STRBP: variants seen among roughly 807,000 people sequenced by gnomAD.
STRBP encodes the protein spermatid perinuclear RNA-binding protein.
STRBP carries 13 observed loss-of-function variants against 80.1 expected under a neutral mutation model. The ratio of observed to expected loss-of-function variants is 0.16; its 90% CI spans 0.11 to 0.26. STRBP has a LOEUF of 0.26. Ranked by LOEUF, STRBP falls within the 10% of genes least tolerant of loss-of-function variation. STRBP has a pLI of 1.00. For synonymous variants in STRBP, 284 were observed against 291.2 expected, an observed-to-expected ratio of 0.98 and a Z score of 0.25; for missense variants, 485 against 815.2, an observed-to-expected ratio of 0.59 and a Z score of 4.93.
Position 123,121,948 on chromosome 9 carries a change from TACACACAC to T in STRBP, c.*3641_*3648del, listed in dbSNP as rs55960341. The T allele has an allele frequency of 0.024, 3,762 of 154,516 alleles. 63 individuals carry two copies. Among genetic ancestry groups the T allele is most frequent in the Non-Finnish European group, 0.033 (2,276 of 69,900 alleles). 9.6% of individuals were successfully genotyped at this position (154,516 alleles called of 1,614,324 possible). ...ACATACGTGTTATATCCTAAGTTTC[TACACACAC>T]ACACACACACACACACACTTAGTGT... On this transcript the variant is annotated 3_prime_UTR_variant, in exon 19 of 19. Coordinates refer to ENST00000348403, the MANE Select transcript of STRBP (RefSeq NM_018387.5).
chr9:123,252,028 ATT>A (rs71390423), intron 1 of STRBP, among the ~76,000 whole-genome samples: 4 of 144,636 alleles, frequency 2.8e-5, no homozygotes, highest in Admixed American at 1.4e-4. Context: ...AGCACCATCT[ATT>A]TTTTTTTTTT....
chr9:123,168,545 C>G (rs147074811), intron 6 of STRBP, among the ~76,000 whole-genome samples: 47 of 152,286 alleles, frequency 3.1e-4, no homozygotes, highest in African/African-American at 1.1e-3. Context: ...TTACTGGTAC[C>G]TTTTTCTCTA....
intron 2 of STRBP, among the ~76,000 whole-genome samples, chr9:123,215,480 T>A (rs542334474): frequency 2.6e-3 from 389 of 152,302 alleles, no homozygotes; most frequent in Non-Finnish European, 3.4e-3. Flanking sequence ...TTAACAAATA[T>A]TTATTGTATA....
intron 11 of STRBP, among the ~76,000 whole-genome samples, chr9:123,148,896 T>C (rs1329250378): frequency 1.3e-5 from 2 of 152,192 alleles, no homozygotes; most frequent in Non-Finnish European, 2.9e-5. Context: ...TAATGGGCAC[T>C]GAGCAAAAAC....
intron 2 of STRBP, among the ~76,000 whole-genome samples, chr9:123,230,651 T>C (rs1408118483): frequency 6.6e-6 from 1 of 152,200 alleles, no homozygotes; most frequent in Admixed American, 6.5e-5. Flanking sequence ...CTTTCATATT[T>C]ATTTTTCAAA....
In STRBP at chr9:123,115,925, A is replaced by AT. The variant is rs1274350377; in HGVS notation, c.*84+3dup. 4.6e-6 allele frequency: 2 copies of AT among 434,786 alleles called. No homozygotes were observed. Among genetic ancestry groups the AT allele is most frequent in the East Asian group, 1.4e-4 (2 of 14,216 alleles). The allele number at this position is 434,786 out of a possible 1,614,324, so 26.9% of individuals were successfully genotyped here. A position where few individuals can be genotyped will look rare whatever the true frequency, so the allele number is the denominator to read the frequency against. ...AACAAATAAATATAATCCCTTAAAAATACCTGGCAGGAGTGCCCACGTTCT... is the reference window on the plus strand; with the variant it reads ...AACAAATAAATATAATCCCTTAAAAATTACCTGGCAGGAGTGCCCACGTTCT... On this transcript the variant is annotated splice_donor_region_variant and intron_variant and NMD_transcript_variant, in intron 3 of 3. Coordinates refer to the STRBP transcript ENST00000471564. This position sits in a 1 kb window ranked among gnomAD's most constrained non-coding sequence, Gnocchi z 5.0.
chr9:123,200,850 G>T (rs2039300144), intron 2 of STRBP, among the ~76,000 whole-genome samples: 1 of 140,690 alleles, frequency 7.1e-6, no homozygotes, highest in African/African-American at 2.6e-5. Flanking sequence ...CAACATGCTG[G>T]GATTACAGGC....
chr9:123,195,523 C>CA (rs1381727134), intron 2 of STRBP, among the ~76,000 whole-genome samples: 2 of 152,056 alleles, frequency 1.3e-5, no homozygotes, highest in Non-Finnish European at 2.9e-5. Context: ...AATCAACATA[C>CA]AAAAATCAGT....
chr9:123,165,677 AG>A (rs1190479762), intron 6 of STRBP, among the ~76,000 whole-genome samples: 1 of 152,240 alleles, frequency 6.6e-6, no homozygotes, highest in Non-Finnish European at 1.5e-5. Flanking sequence ...AAAGAAATTG[AG>A]ACTCTGTGTG....
chr9:123,153,034 T>G (rs1450215373), intron 11 of STRBP, among the ~76,000 whole-genome samples: 3 of 151,984 alleles, frequency 2.0e-5, no homozygotes, highest in African/African-American at 7.3e-5. Flanking sequence ...AGGGGTGGTG[T>G]TCTCCATAAA....
At chr9:123,188,857 T>C (rs2038806194) in intron 2 of STRBP, among the ~76,000 whole-genome samples, 1 of 152,212 alleles carries the variant, frequency 6.6e-6, no homozygotes, top group South Asian at 2.1e-4. Context: ...AAACCTTCAA[T>C]TTTGTTAATA....
At chr9:123,160,876 C>T in intron 7 of STRBP, 101 bp downstream of exon 7, 1 of 900,748 alleles carries the variant, frequency 1.1e-6, no homozygotes, top group Non-Finnish European at 1.7e-6. Context: ...TAGAAAGCAC[C>T]CCTCATTTTA....
chr9:123,243,294 A>T (rs952898173), intron 1 of STRBP, among the ~76,000 whole-genome samples: 1 of 150,684 alleles, frequency 6.6e-6, no homozygotes, highest in Non-Finnish European at 1.5e-5. Flanking sequence ...AGAAAAATAG[A>T]GCTTTCATCT....
intron 2 of STRBP, among the ~76,000 whole-genome samples, chr9:123,214,942 A>G (rs1185687174): frequency 6.6e-6 from 1 of 152,072 alleles, no homozygotes; most frequent in African/African-American, 2.4e-5. Flanking sequence ...TGGTGTCCAC[A>G]TTTTTGCTCC....
At chr9:123,250,670 T>C (rs1367448166) in intron 1 of STRBP, among the ~76,000 whole-genome samples, 1 of 152,234 alleles carries the variant, frequency 6.6e-6, no homozygotes. Flanking sequence ...CAGTGGTCAC[T>C]TAAGCTCTTG....
At chr9:123,214,761 A>C (rs2039836897) in intron 2 of STRBP, among the ~76,000 whole-genome samples, 1 of 152,196 alleles carries the variant, frequency 6.6e-6, no homozygotes. Flanking sequence ...TACTATATTC[A>C]TACAGATATG....
chr9:123,123,857 T>C lies in STRBP; in HGVS notation c.*1740A>G. 2.0e-6 allele frequency: 2 copies of C among 985,396 alleles called. No individual in the cohort carries two copies. The highest frequency in any genetic ancestry group is 3.5e-5 in the African/African-American group (2 of 57,358). 61.0% of individuals were successfully genotyped at this position (985,396 alleles called of 1,614,324 possible). A position where few individuals can be genotyped will look rare whatever the true frequency, so the allele number is the denominator to read the frequency against. ...CTCAGTGATGGCTCTGTTTCATCCATAGGTCAGCAAAACGCATCAATGAAA... is the reference window on the plus strand; with the variant it reads ...CTCAGTGATGGCTCTGTTTCATCCACAGGTCAGCAAAACGCATCAATGAAA... On this transcript the variant is annotated 3_prime_UTR_variant, in exon 19 of 19. Coordinates refer to ENST00000348403, the MANE Select transcript of STRBP (RefSeq NM_018387.5).
chr9:123,122,592 A>G lies in STRBP; in HGVS notation c.*3005T>C. 2 of 1,097,904 alleles carry G rather than the reference A, an allele frequency of 1.8e-6. No individual in the cohort carries two copies. The highest frequency in any genetic ancestry group is 2.2e-6 in the Non-Finnish European group (2 of 897,130). The allele number at this position is 1,097,904 out of a possible 1,614,324, so 68.0% of individuals were successfully genotyped here. A position where few individuals can be genotyped will look rare whatever the true frequency, so the allele number is the denominator to read the frequency against. On this transcript the variant is annotated 3_prime_UTR_variant, in exon 19 of 19. Coordinates refer to ENST00000348403, the MANE Select transcript of STRBP (RefSeq NM_018387.5). ...CACCCATGCACTTCATCTAGTCAGCATGAGGTATGTTGGAAATCTACTGGA... is the reference window on the plus strand; with the variant it reads ...CACCCATGCACTTCATCTAGTCAGCGTGAGGTATGTTGGAAATCTACTGGA...
chr9:123,206,482 AT>A (rs955750847), intron 2 of STRBP, among the ~76,000 whole-genome samples: 20 of 152,220 alleles, frequency 1.3e-4, no homozygotes, highest in African/African-American at 4.6e-4. Context: ...TTTTAAAAAA[AT>A]AATCCAGTTG....
Sources: allele counts gnomAD v4.1 joint callset (sites outside exome capture counted in the v4.1 genomes callset), GRCh38; gene constraint gnomAD v4.1.1; non-coding constraint Gnocchi (gnomAD v3.1); transcripts MANE v1.5; gene names NCBI Gene and HGNC (gene_info 2026-07-23, HGNC 2026-07-21).